UEVLD: variants seen among roughly 807,000 people sequenced by gnomAD.
UEVLD encodes the protein ubiquitin-conjugating enzyme E2 variant 3.
In UEVLD, 47 loss-of-function variants were observed where a neutral mutation model predicts 58.6. The ratio of observed to expected loss-of-function variants is 0.80; its 90% CI spans 0.63 to 1.02. The LOEUF (loss-of-function observed/expected upper bound fraction) is 1.02, where lower values mean the gene tolerates loss of function less well. UEVLD is among the 50% of genes least tolerant of loss of function. The pLI is 0.00. For synonymous variants in UEVLD, 197 were observed against 195.3 expected, an observed-to-expected ratio of 1.01 and a Z score of -0.07; for missense variants, 510 against 550.6, an observed-to-expected ratio of 0.93 and a Z score of 0.74.
intron 11 of UEVLD, 78 bp downstream of exon 11, chr11:18,534,252 A>G: frequency 8.8e-7 from 1 of 1,132,708 alleles, no homozygotes; most frequent in Non-Finnish European, 1.2e-6. Context: ...GGGTTAGAGT[A>G]TGAATAATGA....
At chr11:18,575,772 T>C (rs1590367909) in intron 2 of UEVLD, among the ~76,000 whole-genome samples, 1 of 152,186 alleles carries the variant, frequency 6.6e-6, no homozygotes, top group African/African-American at 2.4e-5. Context: ...AAAGTTGTCA[T>C]AAGGATCAAA....
intron 9 of UEVLD, among the ~76,000 whole-genome samples, chr11:18,539,766 A>G (rs902364957): frequency 6.6e-6 from 1 of 152,200 alleles, no homozygotes; most frequent in African/African-American, 2.4e-5. Flanking sequence ...GAGTGCATAA[A>G]CCATTCAGTA....
At chr11:18,583,605 T>C (rs1396929292) in intron 1 of UEVLD, among the ~76,000 whole-genome samples, 2 of 150,590 alleles carry the variant, frequency 1.3e-5, no homozygotes, top group Non-Finnish European at 2.9e-5. Flanking sequence ...TGTAGTATCA[T>C]TTATTAAAAG....
chr11:18,561,791 C>T (rs960906148), intron 6 of UEVLD, among the ~76,000 whole-genome samples: 4 of 149,090 alleles, frequency 2.7e-5, no homozygotes, highest in Non-Finnish European at 5.9e-5. Flanking sequence ...GAGATCACGC[C>T]ACTGCAATCC....
chr11:18,534,428 CT>C lies in UEVLD; in HGVS notation c.1149del (p.Gly384ValfsTer11). 1 of 1,574,618 alleles carries C rather than the reference CT, an allele frequency of 6.4e-7. No homozygotes were observed. Among genetic ancestry groups the C allele is most frequent in the East Asian group, 2.4e-5 (1 of 41,740 alleles). On this transcript the variant is annotated frameshift_variant, in exon 11 of 12. Coordinates refer to ENST00000396197, the MANE Select transcript of UEVLD (RefSeq NM_001040697.4). LOFTEE classifies it high-confidence loss of function. ...SNRAMELLRVKGQRSWSVGLS... is the reference protein window; with the variant it reads ...SNRAMELLRVXGQRSWSVGLS... ...AGTCCAACAGACCAGGATCTTTGACCTTTTACTCTTAGCAGTTCCATGGCTC... is the reference window on the plus strand; with the variant it reads ...AGTCCAACAGACCAGGATCTTTGACCTTTACTCTTAGCAGTTCCATGGCTC...
chr11:18,537,324 A>ATATATTT (rs1160942409), intron 9 of UEVLD, among the ~76,000 whole-genome samples: 1 of 131,570 alleles, frequency 7.6e-6, no homozygotes, highest in Non-Finnish European at 1.6e-5. Flanking sequence ...ATATATATAT[A>ATATATTT]TTTTTTTTTT....
Position 18,534,354 on chromosome 11 carries a change from C to G in UEVLD, c.1224G>C (p.Val408=), listed in dbSNP as rs56151250. The part of the protein sequence containing the change: ...VDSIVNNKKK[V]HSVSALAKGY... Reference sequence around the variant, plus strand: ...CCTTTGCTAAAGCTGATACAGAATGCACTTTCTTCTTATTGTTTACAATAC... The same window carrying G: ...CCTTTGCTAAAGCTGATACAGAATGGACTTTCTTCTTATTGTTTACAATAC... Residue 408 remains valine, a synonymous_variant, in exon 11 of 12, where the codon GTG becomes GTC. Coordinates refer to ENST00000396197, the MANE Select transcript of UEVLD (RefSeq NM_001040697.4). The G allele has an allele frequency of 0.17, 267,372 of 1,540,612 alleles. 27,323 individuals carry two copies. The highest frequency in any genetic ancestry group is 0.44 in the East Asian group (17,587 of 39,810).
intron 7 of UEVLD, among the ~76,000 whole-genome samples, chr11:18,556,534 G>C (rs942102404): frequency 1.3e-5 from 2 of 152,082 alleles, no homozygotes; most frequent in African/African-American, 4.8e-5. Context: ...GGAAAATATT[G>C]TCAAGGAATA....
At chr11:18,548,765 G>A (rs1217454223) in intron 7 of UEVLD, among the ~76,000 whole-genome samples, 1 of 152,214 alleles carries the variant, frequency 6.6e-6, no homozygotes. Flanking sequence ...GGAAACACTT[G>A]TGCAATGTGT....
Position 18,532,497 on chromosome 11 carries a change from GA to G in UEVLD, c.1249-11del. The G allele has an allele frequency of 6.4e-7, 1 of 1,571,224 alleles. No individual in the cohort carries two copies. The highest frequency in any genetic ancestry group is 1.2e-5 in the South Asian group (1 of 85,098). On this transcript the variant is annotated splice_polypyrimidine_tract_variant and intron_variant, in intron 11 of 11. Transcript: ENST00000396197. ...TTATATCATAATATCCCTGAAATGA[GA>G]AAAATAGGGATTTAATAGAACTAAA...
At chr11:18,569,000 T>C (rs1852446563) in intron 4 of UEVLD, among the ~76,000 whole-genome samples, 1 of 152,138 alleles carries the variant, frequency 6.6e-6, no homozygotes. Flanking sequence ...GTTCACACCA[T>C]TCTACTGCCT....
chr11:18,587,844 A>C (rs1853660460), intron 1 of UEVLD: 1 of 152,170 alleles, frequency 6.6e-6, no homozygotes, highest in Admixed American at 6.6e-5. Context: ...TAACTAGGAA[A>C]CTGGTGAAAA....
intron 9 of UEVLD, 156 bp from the exon 10 acceptor site, chr11:18,536,625 ATGTGCTGT>A: frequency 1.6e-6 from 1 of 612,410 alleles, no homozygotes; most frequent in Non-Finnish European, 2.8e-6. Context: ...ATAACAATGA[ATGTGCTGT>A]ACCACTAGCC....
intron 6 of UEVLD, among the ~76,000 whole-genome samples, chr11:18,560,313 T>A (rs1056177176): frequency 6.6e-6 from 1 of 151,918 alleles, no homozygotes; most frequent in Non-Finnish European, 1.5e-5. Flanking sequence ...ACCATACCCA[T>A]AAGGAAAATG....
intron 11 of UEVLD, 66 bp from the exon 12 acceptor site, chr11:18,532,553 A>G (rs1565102893): frequency 7.6e-7 from 1 of 1,322,148 alleles, no homozygotes; most frequent in Non-Finnish European, 1.0e-6. Flanking sequence ...ACAAAAATGC[A>G]TACTTTCTTG....
At position 18,570,247 on chromosome 11, in the gene UEVLD, T is replaced by C. The variant is rs1852526660; in HGVS notation, c.324A>G (p.Arg108=). 1 of 1,607,834 alleles carries C rather than the reference T, an allele frequency of 6.2e-7. No homozygotes were observed. The highest frequency in any genetic ancestry group is 1.3e-5 in the African/African-American group (1 of 74,316). ...LVGKHVDAQG[R]IYLPYLQNWS... ...AGTTTTGGAGATAGGGCAAATATATTCTGCCTTGAGCATCCACATGTTTTC... is the reference window on the plus strand; with the variant it reads ...AGTTTTGGAGATAGGGCAAATATATCCTGCCTTGAGCATCCACATGTTTTC... Residue 108 remains arginine (R), a synonymous_variant, in exon 4 of 12, where the codon AGA becomes AGG. Coordinates refer to ENST00000396197, the MANE Select transcript of UEVLD (RefSeq NM_001040697.4).
intron 6 of UEVLD, among the ~76,000 whole-genome samples, chr11:18,561,819 G>A (rs1395491528): frequency 3.4e-5 from 5 of 146,726 alleles, no homozygotes; most frequent in Middle Eastern, 3.3e-3. Context: ...GGAACAGGGC[G>A]AGACTTCGTC....
chr11:18,570,556 G>C, intron 3 of UEVLD, 179 bp from the exon 4 acceptor site: 1 of 432,970 alleles, frequency 2.3e-6, no homozygotes, highest in African/African-American at 2.1e-5. Context: ...GACCAGCCTA[G>C]GCAACATGGA....
At chr11:18,565,879 C>T (rs906847923) in intron 5 of UEVLD, among the ~76,000 whole-genome samples, 3 of 148,550 alleles carry the variant, frequency 2.0e-5, no homozygotes, top group Non-Finnish European at 4.5e-5. Flanking sequence ...GTGATAAAGG[C>T]AAAGGAATTA....
Sources: gnomAD v4.1 joint callset for allele counts (sites outside exome capture counted in the v4.1 genomes callset) on GRCh38, gnomAD v4.1.1 for gene constraint, MANE v1.5 for transcripts, NCBI Gene and HGNC (gene_info 2026-07-23, HGNC 2026-07-21) for gene names.